LRMDA: variants seen among roughly 807,000 people sequenced by gnomAD.
The protein encoded by LRMDA is leucine rich melanocyte differentiation associated.
LRMDA carries 18 observed loss-of-function variants against 29.8 expected under a neutral mutation model. That is an observed-to-expected ratio of 0.60 (90% CI 0.42 to 0.90). LRMDA has a LOEUF of 0.90. LRMDA is among the 40% of genes least tolerant of loss of function. The probability of loss-of-function intolerance (pLI) is 0.00; values close to 1 mark genes in which losing one functional copy is unlikely to be tolerated. For synonymous variants in LRMDA, 125 were observed against 109.4 expected (o/e 1.14, Z -0.89); for missense variants, 273 against 273.9 (o/e 1.00, Z 0.02).
intron 2 of LRMDA, among the ~76,000 whole-genome samples, chr10:75,882,935 T>G (rs1466753816): frequency 6.6e-6 from 1 of 152,208 alleles, no homozygotes; most frequent in Non-Finnish European, 1.5e-5. Flanking sequence ...TGTTAAGTTT[T>G]TATGGACCAA....
chr10:75,546,156 T>C (rs1016460963), intron 2 of LRMDA, among the ~76,000 whole-genome samples: 3 of 152,186 alleles, frequency 2.0e-5, no homozygotes, highest in Non-Finnish European at 4.4e-5. Context: ...TACTGAGTGT[T>C]GACCAGTGTT....
intron 2 of LRMDA, among the ~76,000 whole-genome samples, chr10:75,661,258 G>T (rs1168379110): frequency 1.3e-5 from 2 of 152,190 alleles, no homozygotes; most frequent in African/African-American, 4.8e-5. Context: ...GGGTTTTACA[G>T]ACCTGCACGC....
At chr10:76,112,093 C>T (rs758367637) in intron 5 of LRMDA, among the ~76,000 whole-genome samples, 2 of 152,114 alleles carry the variant, frequency 1.3e-5, no homozygotes, top group African/African-American at 4.8e-5. Context: ...AATTGCCGGC[C>T]GAGGGAGTTA....
At chr10:76,252,218 C>T (rs1297696236) in intron 5 of LRMDA, among the ~76,000 whole-genome samples, 2 of 152,154 alleles carry the variant, frequency 1.3e-5, no homozygotes, top group Admixed American at 6.5e-5. Context: ...TTCACATGGA[C>T]GCAGGGCCTG....
intron 2 of LRMDA, among the ~76,000 whole-genome samples, chr10:76,009,294 A>C (rs1847730612): frequency 6.6e-6 from 1 of 152,176 alleles, no homozygotes; most frequent in Non-Finnish European, 1.5e-5. Flanking sequence ...CACTACACTA[A>C]GATGCATCCC....
intron 5 of LRMDA, among the ~76,000 whole-genome samples, chr10:76,120,383 T>C (rs1248448551): frequency 6.6e-6 from 1 of 152,016 alleles, no homozygotes; most frequent in Admixed American, 6.6e-5. Context: ...AGACAGGATT[T>C]TGCCATGTTG....
At chr10:75,869,456 T>C (rs78899421) in intron 2 of LRMDA, among the ~76,000 whole-genome samples, 2,322 of 152,326 alleles carry the variant, frequency 0.015, 57 homozygotes, top group African/African-American at 0.053. Context: ...TTAGCTCGTC[T>C]TATCTTTCCA....
At chr10:76,524,928 T>G (rs1185038817) in intron 6 of LRMDA, among the ~76,000 whole-genome samples, 1 of 152,178 alleles carries the variant, frequency 6.6e-6, no homozygotes, top group Non-Finnish European at 1.5e-5. Context: ...CATGGGGTCT[T>G]AGAAAATAAC....
chr10:76,384,674 G>C (rs1344204235), intron 6 of LRMDA, among the ~76,000 whole-genome samples: 1 of 152,096 alleles, frequency 6.6e-6, no homozygotes, highest in African/African-American at 2.4e-5. Context: ...GCTCCCATTT[G>C]TCCCCTGAGC....
At chr10:76,049,562 C>G (rs1276430441) in intron 4 of LRMDA, among the ~76,000 whole-genome samples, 1 of 152,122 alleles carries the variant, frequency 6.6e-6, no homozygotes, top group Non-Finnish European at 1.5e-5. Context: ...GATGAGTGCT[C>G]ACACTTGTAT....
intron 2 of LRMDA, among the ~76,000 whole-genome samples, chr10:75,793,474 G>A (rs755729735): frequency 2.0e-5 from 3 of 152,168 alleles, no homozygotes; most frequent in Admixed American, 1.3e-4. Flanking sequence ...ATGAACACCT[G>A]GACTGATTGA....
intron 6 of LRMDA, among the ~76,000 whole-genome samples, chr10:76,539,286 A>G (rs1843326741): frequency 6.6e-6 from 1 of 152,162 alleles, no homozygotes; most frequent in Non-Finnish European, 1.5e-5. Context: ...CAGAAAGAGA[A>G]GGTCTGTATC....
chr10:75,612,837 A>T (rs989609581), intron 2 of LRMDA, among the ~76,000 whole-genome samples: 7 of 151,962 alleles, frequency 4.6e-5, no homozygotes, highest in Non-Finnish European at 1.0e-4. Flanking sequence ...AACCTGGGTA[A>T]AATAATCTAG....
intron 2 of LRMDA, among the ~76,000 whole-genome samples, chr10:76,014,916 C>T (rs1847857159): frequency 2.6e-5 from 4 of 152,184 alleles, no homozygotes; most frequent in Admixed American, 2.6e-4. Context: ...ATATCCACTC[C>T]CTCTAGGAAA....
chr10:75,780,956 T>C (rs1056810301), intron 2 of LRMDA, among the ~76,000 whole-genome samples: 1 of 152,222 alleles, frequency 6.6e-6, no homozygotes, highest in African/African-American at 2.4e-5. Flanking sequence ...CTTAACTCTT[T>C]AGTATGATTG....
chr10:76,067,976 G>A (rs1033954638), intron 5 of LRMDA, among the ~76,000 whole-genome samples: 4 of 152,220 alleles, frequency 2.6e-5, no homozygotes, highest in African/African-American at 9.6e-5. Context: ...ATCCTTGAAG[G>A]CAGGGAAACC....
intron 5 of LRMDA, among the ~76,000 whole-genome samples, chr10:76,166,474 C>T (rs1379520308): frequency 6.6e-6 from 1 of 152,178 alleles, no homozygotes; most frequent in Admixed American, 6.5e-5. Flanking sequence ...CTCTCAACCT[C>T]TACCCTCCAG....
intron 2 of LRMDA, among the ~76,000 whole-genome samples, chr10:75,617,923 C>G (rs572978991): frequency 2.0e-5 from 3 of 152,194 alleles, no homozygotes; most frequent in Admixed American, 6.5e-5. Flanking sequence ...AAATCAACCT[C>G]GCTAGGCCTT....
chr10:75,457,925 G>C lies in LRMDA; in HGVS notation c.131+19431G>C, dbSNP rs564035018. 8.6e-4 allele frequency among the ~76,000 whole-genome samples: 131 copies of C among 152,214 alleles called. 3 individuals carry two copies. The South Asian group carries it at 0.011, about 13-fold the overall frequency. On this transcript the variant is annotated intron_variant, in intron 2 of 6. Transcript: ENST00000611255. ...TAATTGAGAAACTGAACTCTTGCTA[G>C]TTTGAAGCTCAGAGTCATTGTTGGA...
Sources: gnomAD v4.1 joint callset for allele counts (sites outside exome capture counted in the v4.1 genomes callset) on GRCh38, gnomAD v4.1.1 for gene constraint, MANE v1.5 for transcripts, NCBI Gene and HGNC (gene_info 2026-07-23, HGNC 2026-07-21) for gene names.